DGKB: variants seen among roughly 807,000 people sequenced by gnomAD.
The protein encoded by DGKB is diacylglycerol kinase beta, also known as 90 kDa diacylglycerol kinase.
Under a neutral mutation model 114.3 loss-of-function variants are expected in DGKB, and 67 were observed. The ratio of observed to expected loss-of-function variants is 0.59; its 90% CI spans 0.48 to 0.72. The LOEUF (loss-of-function observed/expected upper bound fraction) is 0.72. Ranked by LOEUF, DGKB falls within the 30% of genes least tolerant of loss-of-function variation. The probability of loss-of-function intolerance (pLI) is 0.00; values close to 1 mark genes in which losing one functional copy is unlikely to be tolerated. For synonymous variants in DGKB, 398 were observed against 323.1 expected, an observed-to-expected ratio of 1.23 and a Z score of -2.49; for missense variants, 907 against 975.2, an observed-to-expected ratio of 0.93 and a Z score of 0.93.
intron 1 of DGKB, among the ~76,000 whole-genome samples, chr7:14,867,496 T>C (rs2128190112): frequency 6.6e-6 from 1 of 152,294 alleles, no homozygotes; most frequent in East Asian, 1.9e-4. Flanking sequence ...TGTTCATTTG[T>C]TGAAAGACTA....
rs533638527 is a variant in DGKB at position 14,263,791 on chromosome 7, A to T, written c.2122+74724T>A. ...GGTTTCTTTATCCCTTAGGCAAATC[A>T]TTTTTTATTGTATTTGTCTCTTTGG... On this transcript the variant is annotated intron_variant, in intron 23 of 25. Transcript: ENST00000402815. Among the ~76,000 whole-genome samples the T allele has an allele frequency of 4.6e-5, 7 of 151,932 alleles. No homozygotes were observed. In the East Asian group the frequency reaches 1.4e-3, roughly 29 times the overall value.
At chr7:14,170,629 T>C (rs10229901) in intron 25 of DGKB, among the ~76,000 whole-genome samples, 16,364 of 152,206 alleles carry the variant, frequency 0.11, 2,423 homozygotes, top group African/African-American at 0.34. Flanking sequence ...CCTGAGATTA[T>C]TGTGTATTTA....
At chr7:14,693,704 G>A (rs1823310647) in intron 9 of DGKB, among the ~76,000 whole-genome samples, 1 of 151,802 alleles carries the variant, frequency 6.6e-6, no homozygotes, top group African/African-American at 2.4e-5. Flanking sequence ...ATAGGTAGGA[G>A]GAACATTGAA....
chr7:14,910,967 A>G (rs1429567647), intron 1 of DGKB, among the ~76,000 whole-genome samples: 1 of 152,012 alleles, frequency 6.6e-6, no homozygotes, highest in East Asian at 1.9e-4. Flanking sequence ...TCATTTTTTC[A>G]TGTTGTAATC....
chr7:14,769,149 AAG>A (rs1007722897), intron 2 of DGKB, among the ~76,000 whole-genome samples: 2 of 149,386 alleles, frequency 1.3e-5, no homozygotes, highest in Non-Finnish European at 3.0e-5. Context: ...GAAAGAAAGA[AAG>A]AGGGAGGGAG....
At chr7:14,883,552 G>A (rs1854561993) in intron 1 of DGKB, among the ~76,000 whole-genome samples, 1 of 151,964 alleles carries the variant, frequency 6.6e-6, no homozygotes, top group Admixed American at 6.6e-5. Flanking sequence ...ATATAGAGAT[G>A]ATAGAGTTAG....
rs1368994836 is a variant in DGKB, at chr7:14,599,185, T to C, written c.1433+8249A>G. On this transcript the variant is annotated intron_variant, in intron 17 of 25. Coordinates refer to ENST00000402815, the MANE Select transcript of DGKB (RefSeq NM_001350709.2). ...CCAAACACATCATCATCATTCTTCA[T>C]TGCAATGCACTTATTAATAGCAATA... is the stretch of plus-strand genomic sequence containing the variant. 2.0e-5 allele frequency among the ~76,000 whole-genome samples: 3 copies of C among 152,192 alleles called. 1 individual carries two copies. Among genetic ancestry groups the C allele is most frequent in the Non-Finnish European group, 4.4e-5 (3 of 68,030 alleles).
rs184196994 is a variant in DGKB, at chr7:14,823,034, A to T, written c.70+18160T>A. Among the ~76,000 whole-genome samples the T allele has an allele frequency of 6.4e-3, 979 of 151,982 alleles. 9 individuals carry two copies. Among genetic ancestry groups the T allele is most frequent in the Middle Eastern group, 0.034 (8 of 238 alleles). On this transcript the variant is annotated intron_variant, in intron 2 of 25. Coordinates refer to ENST00000402815, the MANE Select transcript of DGKB (RefSeq NM_001350709.2). ...TATTCTATTGTAAATAGTACTTTTA[A>T]AAAAAATTTAAGAATTACATATATG...
chr7:14,518,196 C>G (rs1182680537), intron 20 of DGKB, among the ~76,000 whole-genome samples: 2 of 152,158 alleles, frequency 1.3e-5, no homozygotes, highest in South Asian at 4.1e-4. Context: ...TTATCCTCAG[C>G]AAACTAACAC....
chr7:14,349,254 C>A (rs141540350), intron 21 of DGKB, among the ~76,000 whole-genome samples: 1,745 of 152,058 alleles, frequency 0.011, 15 homozygotes, highest in Non-Finnish European at 0.018. Flanking sequence ...TTATGCCATA[C>A]CTAGATTATC....
chr7:14,737,676 A>C (rs1831938048), intron 4 of DGKB, among the ~76,000 whole-genome samples: 1 of 152,058 alleles, frequency 6.6e-6, no homozygotes, highest in South Asian at 2.1e-4. Context: ...CCTTAATCTA[A>C]CTTTTTTATT....
intron 21 of DGKB, among the ~76,000 whole-genome samples, chr7:14,448,457 T>C (rs1486884707): frequency 2.6e-5 from 4 of 152,050 alleles, no homozygotes; most frequent in Admixed American, 2.0e-4. Flanking sequence ...AATGTCTGCC[T>C]GTAGTTTTGA....
At chr7:14,322,916 T>C (rs934301046) in intron 23 of DGKB, among the ~76,000 whole-genome samples, 1 of 152,128 alleles carries the variant, frequency 6.6e-6, no homozygotes, top group East Asian at 1.9e-4. Flanking sequence ...ATTCAAAGTG[T>C]TGGAGAAGAT....
intron 23 of DGKB, among the ~76,000 whole-genome samples, chr7:14,301,712 C>T (rs938820460): frequency 3.3e-5 from 5 of 152,128 alleles, no homozygotes; most frequent in African/African-American, 1.2e-4. Flanking sequence ...CATACACACA[C>T]ATTTGAAGGC....
chr7:14,327,631 T>G (rs1808978158), intron 23 of DGKB, among the ~76,000 whole-genome samples: 5 of 152,110 alleles, frequency 3.3e-5, no homozygotes, highest in Admixed American at 2.0e-4. Context: ...TACTGTCTTT[T>G]TAAAATCAAA....
intron 15 of DGKB, among the ~76,000 whole-genome samples, chr7:14,620,620 GA>G (rs1208956395): frequency 2.0e-5 from 3 of 151,684 alleles, no homozygotes; most frequent in East Asian, 3.9e-4. Context: ...AACATAAGTA[GA>G]AAAACATACT....
chr7:14,714,772 GGA>G (rs1827927642), intron 6 of DGKB, among the ~76,000 whole-genome samples: 1 of 152,112 alleles, frequency 6.6e-6, no homozygotes, highest in African/African-American at 2.4e-5. Context: ...GTATAGTATA[GGA>G]GCAAATAAGT....
chr7:14,654,394 A>T lies in DGKB; in HGVS notation c.1134+18535T>A, dbSNP rs186406330. Among the ~76,000 whole-genome samples the T allele has an allele frequency of 3.4e-4, 52 of 152,184 alleles. 1 individual carries two copies. The East Asian group carries it at 8.9e-3, about 26-fold the overall frequency. On this transcript the variant is annotated intron_variant, in intron 13 of 25. Coordinates refer to ENST00000402815, the MANE Select transcript of DGKB (RefSeq NM_001350709.2). ...ACTGATGAAAAAAATTGAAGAGGGC[A>T]TAAAAATCAAAAGACATGCCATGCT...
chr7:14,153,283 C>A (rs894500657), intron 25 of DGKB, among the ~76,000 whole-genome samples: 2 of 152,054 alleles, frequency 1.3e-5, no homozygotes, highest in African/African-American at 4.8e-5. Flanking sequence ...GTTATCTGAA[C>A]AACCGCTCGA....
Sources: gnomAD v4.1 joint callset for allele counts (sites outside exome capture counted in the v4.1 genomes callset) on GRCh38, gnomAD v4.1.1 for gene constraint, MANE v1.5 for transcripts, NCBI Gene and HGNC (gene_info 2026-07-23, HGNC 2026-07-21) for gene names.